NAA11: variants seen among roughly 807,000 people sequenced by gnomAD.
The protein encoded by NAA11 is N-alpha-acetyltransferase 11.
NAA11 carries 15 observed loss-of-function variants against 16.1 expected under a neutral mutation model. That is an observed-to-expected ratio of 0.93 (90% CI 0.62 to 1.44). The LOEUF (loss-of-function observed/expected upper bound fraction) is 1.44, where lower values mean the gene tolerates loss of function less well. Ranked by LOEUF, NAA11 falls within the 40% of genes most tolerant of loss-of-function variation. The probability of loss-of-function intolerance (pLI) is 0.00; values close to 1 mark genes in which losing one functional copy is unlikely to be tolerated. For synonymous variants in NAA11, 122 were observed against 112.4 expected, an observed-to-expected ratio of 1.09 and a Z score of -0.54; for missense variants, 298 against 291.3, an observed-to-expected ratio of 1.02 and a Z score of -0.17.
At chr4:79,300,210 G>A (rs1723345306) in intron 1 of NAA11, among the ~76,000 whole-genome samples, 1 of 152,148 alleles carries the variant, frequency 6.6e-6, no homozygotes, top group African/African-American at 2.4e-5. Flanking sequence ...TAGGCAAAAT[G>A]CATGCCATTT....
At chr4:79,208,511 C>T in the NAA11 span, among the ~76,000 whole-genome samples, 2 of 151,986 alleles carry the variant, frequency 1.3e-5, no homozygotes, top group African/African-American at 4.8e-5. Context: ...AAAGGGTGGG[C>T]TTTTAGCCCA....
At chr4:79,270,489 A>G (rs1222183293) in intron 2 of NAA11, among the ~76,000 whole-genome samples, 3 of 146,320 alleles carry the variant, frequency 2.1e-5, no homozygotes, top group Non-Finnish European at 3.0e-5. Context: ...AACTATTCCA[A>G]TCAATAGAAA....
intron 2 of NAA11, among the ~76,000 whole-genome samples, chr4:79,288,091 C>T (rs372801414): frequency 9.9e-5 from 15 of 152,270 alleles, no homozygotes; most frequent in South Asian, 2.1e-4. Context: ...CAGAAGGAGA[C>T]ACTCTCAGCA....
At chr4:79,155,593 A>T in the NAA11 span, among the ~76,000 whole-genome samples, 1 of 152,228 alleles carries the variant, frequency 6.6e-6, no homozygotes, top group Non-Finnish European at 1.5e-5. Flanking sequence ...TTTGCCAGAG[A>T]TAGTAATGAG....
intron 1 of NAA11, among the ~76,000 whole-genome samples, chr4:79,304,257 C>G (rs1560464046): frequency 1.3e-5 from 2 of 152,130 alleles, no homozygotes; most frequent in African/African-American, 4.8e-5. Flanking sequence ...AACTGAGTGT[C>G]AGCAATTTAA....
chr4:79,250,259 A>C (rs1400043140), intron 2 of NAA11, among the ~76,000 whole-genome samples: 1 of 152,258 alleles, frequency 6.6e-6, no homozygotes, highest in Non-Finnish European at 1.5e-5. Context: ...CTAGTGAGGC[A>C]GGAGATCTGT....
the NAA11 span, among the ~76,000 whole-genome samples, chr4:79,198,615 A>T: frequency 1.3e-5 from 2 of 151,962 alleles, no homozygotes; most frequent in Non-Finnish European, 2.9e-5. Context: ...CAAGGGAAAG[A>T]GGAGACAGTG....
At chr4:79,223,135 C>T (rs1192062379), downstream of NAA11, among the ~76,000 whole-genome samples, 9 of 151,032 alleles carry the variant, frequency 6.0e-5, no homozygotes, top group Non-Finnish European at 1.2e-4. Flanking sequence ...CCCAGCCATC[C>T]CTTTACTGGG....
the NAA11 span, among the ~76,000 whole-genome samples, chr4:79,178,153 A>T: frequency 6.6e-6 from 1 of 152,190 alleles, no homozygotes; most frequent in African/African-American, 2.4e-5. Context: ...GCCATGGCCC[A>T]GAAATTTGAC....
At chr4:79,277,101 C>A (rs1413899087) in intron 2 of NAA11, among the ~76,000 whole-genome samples, 1 of 152,128 alleles carries the variant, frequency 6.6e-6, no homozygotes, top group East Asian at 1.9e-4. Context: ...TCATCCCAAA[C>A]AACACTGCCT....
chr4:79,311,594 GGT>G (rs2110010982), intron 1 of NAA11, among the ~76,000 whole-genome samples: 1 of 152,232 alleles, frequency 6.6e-6, no homozygotes, highest in African/African-American at 2.4e-5. Flanking sequence ...TATAAAGCAA[GGT>G]ATATGCAATT....
At chr4:79,323,081 A>C (rs946627435) in intron 1 of NAA11, among the ~76,000 whole-genome samples, 1 of 152,226 alleles carries the variant, frequency 6.6e-6, no homozygotes, top group African/African-American at 2.4e-5. Flanking sequence ...AATGCCTGAC[A>C]AATATTTTTA....
downstream of NAA11, among the ~76,000 whole-genome samples, chr4:79,313,567 A>G (rs1723842647): frequency 6.6e-6 from 1 of 152,186 alleles, no homozygotes; most frequent in Admixed American, 6.5e-5. Context: ...AAAGCAATAT[A>G]TGTATGATTT....
intron 2 of NAA11, among the ~76,000 whole-genome samples, chr4:79,257,012 T>C (rs1315875412): frequency 6.6e-6 from 1 of 152,184 alleles, no homozygotes; most frequent in Non-Finnish European, 1.5e-5. Flanking sequence ...ATTATATACA[T>C]ATTTCATTAA....
chr4:79,268,862 C>T (rs1722412788), intron 2 of NAA11, among the ~76,000 whole-genome samples: 1 of 116,276 alleles, frequency 8.6e-6, no homozygotes, highest in Non-Finnish European at 1.7e-5. Flanking sequence ...TCCCCCCACC[C>T]CACCACAGTC....
chr4:79,165,769 T>C, the NAA11 span, among the ~76,000 whole-genome samples: 2 of 152,210 alleles, frequency 1.3e-5, no homozygotes, highest in African/African-American at 4.8e-5. Flanking sequence ...TATTTTACAA[T>C]CCTGAAGGTA....
chr4:79,245,656 C>T (rs1436281398), intron 2 of NAA11: 2 of 156,008 alleles, frequency 1.3e-5, no homozygotes, highest in Non-Finnish European at 2.8e-5. Context: ...GTGGGGAGCC[C>T]CTCCGCCCAG....
the NAA11 span, among the ~76,000 whole-genome samples, chr4:79,189,320 G>A: frequency 6.6e-6 from 1 of 151,944 alleles, no homozygotes; most frequent in African/African-American, 2.4e-5. Flanking sequence ...TTGCTTAGAG[G>A]GAAATATTGG....
the NAA11 span, among the ~76,000 whole-genome samples, chr4:79,190,526 T>C: frequency 6.6e-6 from 1 of 151,814 alleles, no homozygotes; most frequent in African/African-American, 2.4e-5. Context: ...ATGGCAGGAA[T>C]CTGTGTAAAG....
Sources: allele counts gnomAD v4.1 joint callset (sites outside exome capture counted in the v4.1 genomes callset), GRCh38; gene constraint gnomAD v4.1.1; transcripts MANE v1.5; gene names NCBI Gene and HGNC (gene_info 2026-07-23, HGNC 2026-07-21).